Variants in EBAG9 observed in about 807,000 individuals in gnomAD.
The protein encoded by EBAG9 is estrogen receptor binding site associated antigen 9.
Under a neutral mutation model 30.9 loss-of-function variants are expected in EBAG9, and 16 were observed. The ratio of observed to expected loss-of-function variants is 0.52; its 90% confidence interval spans 0.35 to 0.79. The LOEUF (loss-of-function observed/expected upper bound fraction) is 0.79, where lower values mean the gene tolerates loss of function less well. Among genes scored for constraint, EBAG9 ranks in the 30% least tolerant of loss-of-function variants. The pLI is 0.01. For synonymous variants in EBAG9, 93 were observed against 82.8 expected, an observed-to-expected ratio of 1.12 and a Z score of -0.67; for missense variants, 197 against 242.1, an observed-to-expected ratio of 0.81 and a Z score of 1.24.
At chr8:109,551,751 T>C (rs1821498724) in intron 2 of EBAG9, among the ~76,000 whole-genome samples, 2 of 152,174 alleles carry the variant, frequency 1.3e-5, no homozygotes, top group African/African-American at 4.8e-5. Context: ...CCAAAATTAA[T>C]GTAGAACTGA....
At chr8:109,544,299 T>G (rs954434188) in intron 1 of EBAG9, among the ~76,000 whole-genome samples, 10 of 152,168 alleles carry the variant, frequency 6.6e-5, no homozygotes, top group African/African-American at 1.9e-4. Context: ...TGTGCTTTTT[T>G]ATTCTGGGAA....
At position 109,554,881 on chromosome 8, in the gene EBAG9, T is replaced by G. The variant is rs1821566443; in HGVS notation, c.315T>G (p.Thr105=). Residue 105 remains threonine (T), a synonymous_variant, in exon 4 of 7, where the codon ACT becomes ACG. Coordinates refer to ENST00000337573, the MANE Select transcript of EBAG9 (RefSeq NM_004215.5). The stretch of plus-strand genomic sequence containing the variant: ...ACATGACACCAACTATTAGGAAAAC[T>G]CAGAAAGTATGTTAAGATTTATGCT... ...FKDMTPTIRK[T]QKIVIKKREP... 6.2e-7 allele frequency: 1 copy of G among 1,612,784 alleles called. No individual in the cohort carries two copies.
intron 1 of EBAG9, among the ~76,000 whole-genome samples, chr8:109,545,033 A>G (rs990764442): frequency 5.3e-5 from 8 of 152,290 alleles, no homozygotes; most frequent in Middle Eastern, 3.4e-3. Flanking sequence ...ATGTTTAAAA[A>G]GGATACAGAC....
intron 6 of EBAG9, chr8:109,563,246 G>A (rs1341935916): frequency 1.3e-5 from 10 of 785,970 alleles, no homozygotes; most frequent in Non-Finnish European, 2.0e-5. Flanking sequence ...ACTCACTGTA[G>A]TTAATATTGA....
rs761545199 is a variant in EBAG9, at chr8:109,553,957, G to A, written c.162+14G>A. 1 of 1,573,412 alleles carries A rather than the reference G, an allele frequency of 6.4e-7. No homozygotes were observed. The highest frequency in any genetic ancestry group is 8.6e-7 in the Non-Finnish European group (1 of 1,160,326). On this transcript the variant is annotated intron_variant, in intron 3 of 6. Coordinates refer to ENST00000337573, the MANE Select transcript of EBAG9 (RefSeq NM_004215.5). ...GTTCCTAAGCAGGTAGGTTTTTTTT[G>A]TGTGTTCTTTTGTTTTGTTTTGTTT...
intron 1 of EBAG9, among the ~76,000 whole-genome samples, chr8:109,543,945 A>G (rs7818726): frequency 0.5 from 76,092 of 151,224 alleles, 21,269 homozygotes; most frequent in African/African-American, 0.75. Flanking sequence ...CACGAGAATA[A>G]CTTGAACCCA....
At position 109,557,437 on chromosome 8, in the gene EBAG9, A is replaced by C. The variant is rs887702215; in HGVS notation, c.429+395A>C. Among the ~76,000 whole-genome samples, 3 of 152,352 alleles carry C rather than the reference A, an allele frequency of 2.0e-5. No individual in the cohort carries two copies. The East Asian group carries it at 5.8e-4, about 29-fold the overall frequency. Reference sequence around the variant, plus strand: ...AATTTTAAACGGTTTGACTTAAATGAAACTTTTTAAAGGAAAAATTTATGA... The same window carrying C: ...AATTTTAAACGGTTTGACTTAAATGCAACTTTTTAAAGGAAAAATTTATGA... On this transcript the variant is annotated intron_variant, in intron 5 of 6. Coordinates refer to ENST00000337573, the MANE Select transcript of EBAG9 (RefSeq NM_004215.5).
intron 4 of EBAG9, among the ~76,000 whole-genome samples, chr8:109,555,408 G>A (rs966755366): frequency 3.9e-5 from 6 of 151,970 alleles, no homozygotes; most frequent in African/African-American, 1.4e-4. Flanking sequence ...TCAGTTGTTT[G>A]TTTTCTGTCA....
intron 2 of EBAG9, among the ~76,000 whole-genome samples, chr8:109,552,264 A>T (rs947990023): frequency 1.7e-4 from 3 of 17,500 alleles, no homozygotes; most frequent in African/African-American, 1.1e-3. Flanking sequence ...TGGGATTTAA[A>T]AAAAAAAAAA....
chr8:109,565,765 T>C lies in EBAG9; in HGVS notation c.*1206T>C, dbSNP rs1383762837. On this transcript the variant is annotated 3_prime_UTR_variant, in exon 7 of 7. Transcript: ENST00000337573. ...TGAGATTTTGAAATGTCATAGATAC[T>C]GTACAGGCCAAACCTTACTAATTTA... 1.3e-5 allele frequency: 2 copies of C among 152,118 alleles called. No individual in the cohort carries two copies. Among genetic ancestry groups the C allele is most frequent in the Admixed American group, 1.3e-4 (2 of 15,276 alleles). The allele number at this position is 152,118 out of a possible 1,614,324, so 9.4% of individuals were successfully genotyped here. A position where few individuals can be genotyped will look rare whatever the true frequency, so the allele number is the denominator to read the frequency against.
chr8:109,541,135 G>T (rs570206468), intron 1 of EBAG9, among the ~76,000 whole-genome samples: 2 of 151,904 alleles, frequency 1.3e-5, no homozygotes, highest in Non-Finnish European at 2.9e-5. Flanking sequence ...AGGATACATT[G>T]CCTCATAGTT....
chr8:109,541,479 CTT>C (rs1322143328), intron 1 of EBAG9, among the ~76,000 whole-genome samples: 2 of 152,176 alleles, frequency 1.3e-5, no homozygotes, highest in South Asian at 2.1e-4. Flanking sequence ...AAACCTACCT[CTT>C]TTGGTTGTCC....
chr8:109,540,434 G>C lies in EBAG9; in HGVS notation c.-43G>C, dbSNP rs531376266. ...GCGTCGGCTTGTATAACCTGAAAAC[G>C]CTCCTGTTTTTCTCATCTGTGCAGT... On this transcript the variant is annotated 5_prime_UTR_variant, in exon 1 of 7. Transcript: ENST00000337573. 2.0e-5 allele frequency: 3 copies of C among 152,284 alleles called. No individual in the cohort carries two copies. The highest frequency in any genetic ancestry group is 7.2e-5 in the African/African-American group (3 of 41,558). 9.4% of individuals were successfully genotyped at this position (152,284 alleles called of 1,614,324 possible).
At position 109,563,552 on chromosome 8, in the gene EBAG9, G is replaced by A. The variant is rs776648990; in HGVS notation, c.522-887G>A. 24 of 1,571,638 alleles carry A rather than the reference G, an allele frequency of 1.5e-5. No individual in the cohort carries two copies. The East Asian group carries it at 3.8e-4, about 25-fold the overall frequency. On this transcript the variant is annotated intron_variant, in intron 6 of 6. Transcript: ENST00000337573. ...AAGGAACAGGTATGTATTTCACAAA[G>A]TATGATTAGTAAATACCTACCACTC...
intron 1 of EBAG9, among the ~76,000 whole-genome samples, chr8:109,544,033 TAA>T (rs11337681): frequency 0.057 from 7,140 of 125,750 alleles, 375 homozygotes; most frequent in African/African-American, 0.15. Context: ...CTATCTCAAT[TAA>T]AAAAAAAAAA....
At chr8:109,555,820 T>A (rs1333515770) in intron 4 of EBAG9, among the ~76,000 whole-genome samples, 7 of 152,138 alleles carry the variant, frequency 4.6e-5, no homozygotes, top group Admixed American at 1.3e-4. Context: ...ATCAAAATAG[T>A]ACATGTACTT....
At chr8:109,560,150 C>T (rs182013508) in intron 5 of EBAG9, among the ~76,000 whole-genome samples, 2 of 152,228 alleles carry the variant, frequency 1.3e-5, no homozygotes, top group African/African-American at 4.8e-5. Context: ...TCCAGCATGA[C>T]CATTTTCATT....
At chr8:109,541,679 A>C (rs1167268309) in intron 1 of EBAG9, among the ~76,000 whole-genome samples, 1 of 152,184 alleles carries the variant, frequency 6.6e-6, no homozygotes, top group African/African-American at 2.4e-5. Flanking sequence ...TTCCTCAGGG[A>C]TAAGTTTATG....
chr8:109,545,964 T>C (rs971427216), intron 1 of EBAG9, among the ~76,000 whole-genome samples: 4 of 152,224 alleles, frequency 2.6e-5, no homozygotes, highest in Non-Finnish European at 5.9e-5. Flanking sequence ...GTTGTGAGCA[T>C]TGAATGAGTA....
Sources: gnomAD v4.1 joint callset for allele counts (sites outside exome capture counted in the v4.1 genomes callset) on GRCh38, gnomAD v4.1.1 for gene constraint, MANE v1.5 for transcripts, NCBI Gene and HGNC (gene_info 2026-07-23, HGNC 2026-07-21) for gene names.